The following MFHAS1 variants were observed in gnomAD, a reference collection of about 807,000 sequenced individuals.
MFHAS1 encodes the protein multifunctional ROCO family signaling regulator 1, also known as malignant fibrous histiocytoma-amplified sequence 1.
In MFHAS1, 50 loss-of-function variants were observed where a neutral mutation model predicts 70.4. The observed-to-expected ratio is 0.71, with a 90% CI of 0.57 to 0.90. MFHAS1 has a LOEUF of 0.90. Among genes scored for constraint, MFHAS1 ranks in the 40% least tolerant of loss-of-function variants. The probability of loss-of-function intolerance (pLI) is 0.00; values close to 1 mark genes in which losing one functional copy is unlikely to be tolerated. For missense variants in MFHAS1, 1,795 were observed against 1,347.6 expected (o/e 1.33, Z -5.20); for synonymous variants, 952 against 620.0 (o/e 1.54, Z -7.96).
intron 1 of MFHAS1, among the ~76,000 whole-genome samples, chr8:8,838,226 C>A (rs1451737833): frequency 1.3e-5 from 2 of 152,126 alleles, no homozygotes; most frequent in Non-Finnish European, 2.9e-5. Context: ...TGACAAAAAG[C>A]CCATCAGTGG....
intron 1 of MFHAS1, among the ~76,000 whole-genome samples, chr8:8,855,615 G>T (rs1345476333): frequency 6.6e-6 from 1 of 152,162 alleles, no homozygotes; most frequent in African/African-American, 2.4e-5. Context: ...TGGCGCTTTG[G>T]TAGGCCGAGG....
intron 1 of MFHAS1, among the ~76,000 whole-genome samples, chr8:8,800,623 T>G (rs960761379): frequency 2.0e-5 from 3 of 152,214 alleles, no homozygotes; most frequent in Non-Finnish European, 4.4e-5. Context: ...CTCTTACTTC[T>G]GAGACTGCCC....
chr8:8,845,780 G>A (rs1475361408), intron 1 of MFHAS1, among the ~76,000 whole-genome samples: 1 of 152,022 alleles, frequency 6.6e-6, no homozygotes, highest in Admixed American at 6.6e-5. Context: ...AACTAAATGG[G>A]TCCCACACCC....
intron 1 of MFHAS1, among the ~76,000 whole-genome samples, chr8:8,872,599 G>A (rs894737924): frequency 6.6e-6 from 1 of 152,146 alleles, no homozygotes; most frequent in South Asian, 2.1e-4. Context: ...CACAGAGGAG[G>A]CTCAGATGCA....
chr8:8,808,820 G>T (rs1486791575), intron 1 of MFHAS1, among the ~76,000 whole-genome samples: 1 of 152,170 alleles, frequency 6.6e-6, no homozygotes, highest in East Asian at 1.9e-4. Context: ...TAGGGTACTT[G>T]GAAAGCATCC....
chr8:8,786,565 T>C (rs984066540), intron 2 of MFHAS1, among the ~76,000 whole-genome samples: 4 of 152,208 alleles, frequency 2.6e-5, no homozygotes, highest in Non-Finnish European at 4.4e-5. Context: ...CTGATCAATA[T>C]AGAATGAATA....
intron 1 of MFHAS1, among the ~76,000 whole-genome samples, chr8:8,887,581 G>A (rs1357438454): frequency 6.7e-6 from 1 of 149,536 alleles, no homozygotes; most frequent in Non-Finnish European, 1.5e-5. Context: ...ATAATTATAT[G>A]TATATGTATA....
At chr8:8,812,807 C>G (rs1231088928) in intron 1 of MFHAS1, among the ~76,000 whole-genome samples, 1 of 83,132 alleles carries the variant, frequency 1.2e-5, no homozygotes, top group African/African-American at 6.1e-5. Flanking sequence ...TCGCTGTCAC[C>G]CAGGCTTAGA....
chr8:8,833,812 A>C (rs969246912), intron 1 of MFHAS1, among the ~76,000 whole-genome samples: 1 of 152,204 alleles, frequency 6.6e-6, no homozygotes, highest in Non-Finnish European at 1.5e-5. Flanking sequence ...GTCCCATCAA[A>C]TGAATGAACA....
At chr8:8,831,334 C>G (rs1807379558) in intron 1 of MFHAS1, among the ~76,000 whole-genome samples, 2 of 152,080 alleles carry the variant, frequency 1.3e-5, no homozygotes, top group African/African-American at 2.4e-5. Flanking sequence ...AAATGATACT[C>G]TTACTTCATT....
At chr8:8,867,423 G>C (rs944184719) in intron 1 of MFHAS1, among the ~76,000 whole-genome samples, 1 of 152,072 alleles carries the variant, frequency 6.6e-6, no homozygotes, top group Non-Finnish European at 1.5e-5. Flanking sequence ...TTGCCTATAG[G>C]TGTCGCACAG....
intron 1 of MFHAS1, among the ~76,000 whole-genome samples, chr8:8,799,742 TGA>T (rs1397988194): frequency 1.3e-5 from 2 of 152,118 alleles, no homozygotes; most frequent in Non-Finnish European, 2.9e-5. Flanking sequence ...GGCGACAGAG[TGA>T]GACTCCGTCT....
chr8:8,806,020 T>C (rs569205471), intron 1 of MFHAS1, among the ~76,000 whole-genome samples: 58 of 152,290 alleles, frequency 3.8e-4, no homozygotes, highest in African/African-American at 1.1e-3. Flanking sequence ...TTGTTTGTTT[T>C]GTTTTGTTTT....
chr8:8,892,465 C>A lies in MFHAS1; in HGVS notation c.594G>T (p.Arg198=). ...VDHNQLTAFP[R]QLLQLVALEE... is the part of the protein sequence containing the mutation. Reference sequence around the variant, plus strand: ...CCAGGGCCACCAGCTGCAGCAGCTGCCGGGGGAAGGCAGTGAGCTGGTTGT... The same window carrying A: ...CCAGGGCCACCAGCTGCAGCAGCTGACGGGGGAAGGCAGTGAGCTGGTTGT... Residue 198 remains arginine, a synonymous_variant, in exon 1 of 3, where the codon CGG becomes CGT. Transcript: ENST00000276282. The surrounding 1 kb of genome is among the most constrained non-coding windows in gnomAD (Gnocchi z 4.7). The A allele has an allele frequency of 5.6e-6, 9 of 1,608,812 alleles. No homozygotes were observed. The highest frequency in any genetic ancestry group is 7.6e-6 in the Non-Finnish European group (9 of 1,177,734).
At chr8:8,808,531 T>G (rs1307150833) in intron 1 of MFHAS1, among the ~76,000 whole-genome samples, 2 of 152,186 alleles carry the variant, frequency 1.3e-5, no homozygotes, top group Non-Finnish European at 2.9e-5. Context: ...AGTAAAAAGC[T>G]GAAAGGTCTT....
chr8:8,836,108 G>A (rs1364195578), intron 1 of MFHAS1, among the ~76,000 whole-genome samples: 1 of 152,236 alleles, frequency 6.6e-6, no homozygotes. Flanking sequence ...GCAAGACAGA[G>A]AGGAAAGAAA....
intron 1 of MFHAS1, among the ~76,000 whole-genome samples, chr8:8,843,394 G>A (rs1807913584): frequency 6.6e-6 from 1 of 152,096 alleles, no homozygotes. Context: ...GACCAGCCTA[G>A]GCAACATTTC....
chr8:8,829,069 T>C lies in MFHAS1; in HGVS notation c.2999-31578A>G, dbSNP rs749669131. ...CTTGGACACTGCAGAATGGGCCCTT[T>C]GTGATCCAGCCCCCTGCCCACTTTC... On this transcript the variant is annotated intron_variant, in intron 1 of 2. Transcript: ENST00000276282. 3.9e-5 allele frequency among the ~76,000 whole-genome samples: 6 copies of C among 152,258 alleles called. No individual in the cohort carries two copies. In the Middle Eastern group the frequency reaches 0.014, roughly 345 times the overall value.
intron 2 of MFHAS1, among the ~76,000 whole-genome samples, chr8:8,793,579 A>G (rs139782692): frequency 6.6e-6 from 1 of 152,350 alleles, no homozygotes; most frequent in African/African-American, 2.4e-5. Context: ...CAGCCGTCCC[A>G]TCACTCTCAA....
Sources: allele counts gnomAD v4.1 joint callset (sites outside exome capture counted in the v4.1 genomes callset), GRCh38; gene constraint gnomAD v4.1.1; non-coding constraint Gnocchi (gnomAD v3.1); transcripts MANE v1.5; gene names NCBI Gene and HGNC (gene_info 2026-07-23, HGNC 2026-07-21).